SPATA17: variants seen among roughly 807,000 people sequenced by gnomAD.
SPATA17 encodes the protein spermatogenesis-associated protein 17.
A neutral mutation model predicts 62.2 loss-of-function variants in SPATA17; 53 were observed. The observed-to-expected ratio is 0.85, with a 90% CI of 0.68 to 1.07. The LOEUF (loss-of-function observed/expected upper bound fraction) is 1.07. SPATA17 is among the 50% of genes least tolerant of loss of function. The pLI, the probability that SPATA17 is intolerant of heterozygous loss-of-function variation, is 0.00. For missense variants in SPATA17, 466 were observed against 425.5 expected, an observed-to-expected ratio of 1.10 and a Z score of -0.84; for synonymous variants, 146 against 146.8, an observed-to-expected ratio of 0.99 and a Z score of 0.04.
chr1:217,858,504 A>G (rs1235700185), intron 9 of SPATA17, among the ~76,000 whole-genome samples: 1 of 152,230 alleles, frequency 6.6e-6, no homozygotes, highest in Non-Finnish European at 1.5e-5. Flanking sequence ...TTCTAGAACA[A>G]ATTACAGAAA....
chr1:217,846,964 CTTTAT>C (rs1445042795), intron 9 of SPATA17, among the ~76,000 whole-genome samples: 1 of 151,898 alleles, frequency 6.6e-6, no homozygotes, highest in Non-Finnish European at 1.5e-5. Flanking sequence ...TATACTTGCT[CTTTAT>C]TTTATTTCTG....
chr1:217,689,240 T>G (rs1326019120), intron 5 of SPATA17, among the ~76,000 whole-genome samples: 1 of 125,734 alleles, frequency 8.0e-6, no homozygotes, highest in Admixed American at 7.7e-5. Flanking sequence ...TTTTTTTTTT[T>G]TTTGAGACAG....
chr1:217,772,953 G>C (rs1222011115), intron 6 of SPATA17, among the ~76,000 whole-genome samples: 5 of 151,838 alleles, frequency 3.3e-5, no homozygotes, highest in African/African-American at 1.2e-4. Context: ...TTGCATTTGG[G>C]ATGGGATGTT....
intron 9 of SPATA17, among the ~76,000 whole-genome samples, chr1:217,849,793 A>G (rs1675606244): frequency 1.3e-5 from 2 of 152,066 alleles, no homozygotes; most frequent in South Asian, 2.1e-4. Context: ...GGGAGCTTGG[A>G]GAGTGTTTTA....
intron 6 of SPATA17, among the ~76,000 whole-genome samples, chr1:217,749,985 C>CTCTCTCTCTCTCTATATATATATA: frequency 3.2e-4 from 4 of 12,308 alleles, no homozygotes; most frequent in Non-Finnish European, 4.7e-4. Flanking sequence ...CTCTCTCTCT[C>CTCTCTCTCTCTCTATATATATATA]TATATATATA....
intron 5 of SPATA17, among the ~76,000 whole-genome samples, chr1:217,714,701 G>T (rs1408282136): frequency 1.3e-5 from 2 of 151,772 alleles, no homozygotes; most frequent in African/African-American, 4.8e-5. Flanking sequence ...TAGCCAGGAT[G>T]GTCTCGATCT....
intron 5 of SPATA17, among the ~76,000 whole-genome samples, chr1:217,738,949 C>T (rs1672570858): frequency 1.3e-5 from 2 of 152,128 alleles, no homozygotes; most frequent in Admixed American, 6.5e-5. Flanking sequence ...AAGACTCAAT[C>T]TCAAAAAGAC....
At chr1:217,768,859 T>G (rs1673367132) in intron 6 of SPATA17, among the ~76,000 whole-genome samples, 1 of 152,150 alleles carries the variant, frequency 6.6e-6, no homozygotes, top group Admixed American at 6.5e-5. Flanking sequence ...ACTGCAGCCT[T>G]TGATGTGTAC....
intron 5 of SPATA17, among the ~76,000 whole-genome samples, chr1:217,730,257 G>A (rs1027958352): frequency 4.7e-5 from 7 of 148,826 alleles, no homozygotes; most frequent in Admixed American, 2.0e-4. Flanking sequence ...TCACTCTGTC[G>A]CCAAGGCTAC....
chr1:217,774,583 C>G lies in SPATA17; in HGVS notation c.723+46C>G, dbSNP rs1227132476. 5 of 1,542,586 alleles carry G rather than the reference C, an allele frequency of 3.2e-6. No individual in the cohort carries two copies. In the Admixed American group the frequency reaches 7.2e-5, roughly 22 times the overall value. ...AATTCTGTCATTAATTTTATTCTTG[C>G]TATTTTTTGCACTTTTTATATAACA... is the stretch of plus-strand genomic sequence containing the variant. On this transcript the variant is annotated intron_variant, in intron 7 of 10. Transcript: ENST00000366933.
intron 9 of SPATA17, among the ~76,000 whole-genome samples, chr1:217,807,457 A>G (rs908415259): frequency 6.6e-6 from 1 of 152,194 alleles, no homozygotes; most frequent in Non-Finnish European, 1.5e-5. Flanking sequence ...CTCTAAGGAC[A>G]TTCCTAAGAG....
At chr1:217,846,505 A>G (rs551539721) in intron 9 of SPATA17, among the ~76,000 whole-genome samples, 1 of 152,180 alleles carries the variant, frequency 6.6e-6, no homozygotes, top group East Asian at 1.9e-4. Flanking sequence ...GTTAATAAAG[A>G]TGCTATGAAT....
intron 6 of SPATA17, among the ~76,000 whole-genome samples, chr1:217,753,357 G>A (rs530818767): frequency 1.3e-5 from 2 of 151,852 alleles, no homozygotes; most frequent in East Asian, 1.9e-4. Context: ...CATAATCATC[G>A]GCACACCAGA....
intron 3 of SPATA17, among the ~76,000 whole-genome samples, chr1:217,659,826 A>G (rs987185778): frequency 5.3e-5 from 8 of 152,160 alleles, no homozygotes; most frequent in African/African-American, 1.4e-4. Flanking sequence ...TCTATTGGTC[A>G]TCAAATCATT....
intron 4 of SPATA17, among the ~76,000 whole-genome samples, chr1:217,670,332 C>T (rs1336072442): frequency 1.3e-5 from 2 of 152,094 alleles, no homozygotes; most frequent in South Asian, 2.1e-4. Flanking sequence ...AGAAGGAGAT[C>T]CTCCCTCCCT....
At chr1:217,674,630 T>C (rs114531198) in intron 4 of SPATA17, among the ~76,000 whole-genome samples, 1,751 of 152,232 alleles carry the variant, frequency 0.012, 39 homozygotes, top group African/African-American at 0.041. Flanking sequence ...CAAGCAGAGG[T>C]GCCCACAGCC....
At chr1:217,640,152 T>C (rs1241277066) in intron 1 of SPATA17, among the ~76,000 whole-genome samples, 11 of 151,642 alleles carry the variant, frequency 7.3e-5, no homozygotes, top group Non-Finnish European at 1.6e-4. Flanking sequence ...TGTGCATGTA[T>C]TGTGTGAGAT....
At chr1:217,721,956 A>C (rs1672137147) in intron 5 of SPATA17, among the ~76,000 whole-genome samples, 1 of 152,170 alleles carries the variant, frequency 6.6e-6, no homozygotes, top group Non-Finnish European at 1.5e-5. Context: ...GCACAGGATG[A>C]TGCATTATGA....
At chr1:217,656,687 A>G (rs1008234058) in intron 3 of SPATA17, among the ~76,000 whole-genome samples, 1 of 152,152 alleles carries the variant, frequency 6.6e-6, no homozygotes, top group African/African-American at 2.4e-5. Flanking sequence ...AATAGCTCCC[A>G]TTTCTTGATT....
Sources: allele counts gnomAD v4.1 joint callset (sites outside exome capture counted in the v4.1 genomes callset), GRCh38; gene constraint gnomAD v4.1.1; transcripts MANE v1.5; gene names NCBI Gene and HGNC (gene_info 2026-07-23, HGNC 2026-07-21).